ITPR2: variants seen among roughly 807,000 people sequenced by gnomAD.
ITPR2 encodes inositol 1,4,5-trisphosphate-gated calcium channel ITPR2.
A neutral mutation model predicts 317.1 loss-of-function variants in ITPR2; 207 were observed. The observed-to-expected ratio is 0.65, with a 90% confidence interval of 0.58 to 0.73. The LOEUF is 0.73. ITPR2 is among the 30% of genes least tolerant of loss of function. The pLI is 0.00. For missense variants in ITPR2, 2,613 were observed against 3,284.0 expected (o/e 0.80, Z 4.99); for synonymous variants, 1,156 against 1,149.1 (o/e 1.01, Z -0.12).
Position 26,655,168 on chromosome 12 carries a change from A to T in ITPR2, c.2589+540T>A, listed in dbSNP as rs1191055736. Among the ~76,000 whole-genome samples, 3 of 152,364 alleles carry T rather than the reference A, an allele frequency of 2.0e-5. No homozygotes were observed. The South Asian group carries it at 6.2e-4, about 32-fold the overall frequency. On this transcript the variant is annotated intron_variant, in intron 20 of 56. Transcript: ENST00000381340. Reference sequence around the variant, plus strand: ...CATAGAGATAAAAAAAAGTATCCAAACATTTTACAAAATATGCAAAACTGC... The same window carrying T: ...CATAGAGATAAAAAAAAGTATCCAATCATTTTACAAAATATGCAAAACTGC...
intron 52 of ITPR2, 95 bp from the exon 53 acceptor site, chr12:26,400,353 A>T (rs1255594581): frequency 3.1e-5 from 17 of 547,714 alleles, no homozygotes; most frequent in Non-Finnish European, 4.1e-5. Flanking sequence ...ATAAATATAC[A>T]TACATATACA....
intron 2 of ITPR2, among the ~76,000 whole-genome samples, chr12:26,757,377 G>T (rs1219653885): frequency 6.6e-6 from 1 of 151,970 alleles, no homozygotes; most frequent in East Asian, 1.9e-4. Flanking sequence ...CACCATGCCT[G>T]GCTAATTTTT....
intron 1 of ITPR2, among the ~76,000 whole-genome samples, chr12:26,813,469 T>C (rs1950791393): frequency 6.6e-6 from 1 of 152,240 alleles, no homozygotes; most frequent in Admixed American, 6.5e-5. Context: ...ATGAGATTCA[T>C]TTATCAAAGT....
intron 1 of ITPR2, among the ~76,000 whole-genome samples, chr12:26,821,612 T>C (rs980233824): frequency 6.6e-6 from 1 of 152,216 alleles, no homozygotes; most frequent in Non-Finnish European, 1.5e-5. Flanking sequence ...TGGTCAGAGA[T>C]GGTTTCTGTT....
chr12:26,422,120 T>G (rs1940916065), intron 49 of ITPR2, among the ~76,000 whole-genome samples: 1 of 150,514 alleles, frequency 6.6e-6, no homozygotes. Context: ...ACTAAATAAC[T>G]AAATTATTTA....
chr12:26,455,292 T>C (rs1291914935), intron 45 of ITPR2, among the ~76,000 whole-genome samples: 3 of 124,102 alleles, frequency 2.4e-5, no homozygotes, highest in Non-Finnish European at 4.7e-5. Context: ...TACATCAGAC[T>C]AAGAAATATG....
intron 50 of ITPR2, among the ~76,000 whole-genome samples, chr12:26,417,274 A>G (rs1940748673): frequency 6.6e-6 from 1 of 152,174 alleles, no homozygotes; most frequent in African/African-American, 2.4e-5. Context: ...ATATTGTAAG[A>G]TTTGAAAGAT....
intron 14 of ITPR2, 60 bp from the exon 15 acceptor site, chr12:26,663,906 T>C: frequency 1.4e-6 from 2 of 1,421,616 alleles, no homozygotes; most frequent in Non-Finnish European, 1.9e-6. Context: ...AACCTTTTTT[T>C]TTTAACAAAT....
chr12:26,559,239 C>T (rs1207570991), intron 35 of ITPR2, among the ~76,000 whole-genome samples: 1 of 152,214 alleles, frequency 6.6e-6, no homozygotes, highest in East Asian at 1.9e-4. Context: ...TGCTGAAAAT[C>T]TTCAATGAGT....
Position 26,357,993 on chromosome 12 carries a change from T to C in ITPR2, c.7858-17665A>G, listed in dbSNP as rs1938694726. 2.0e-5 allele frequency among the ~76,000 whole-genome samples: 3 copies of C among 152,216 alleles called. No individual in the cohort carries two copies. In the South Asian group the frequency reaches 6.2e-4, roughly 31 times the overall value. On this transcript the variant is annotated intron_variant, in intron 55 of 56. Transcript: ENST00000381340. The stretch of plus-strand genomic sequence containing the variant: ...TTGGTTGAACTATTACAAAGAGAGC[T>C]ACAGAAGCTAGAATACACCCAGAAA...
chr12:26,484,726 T>TC (rs1262738312), intron 41 of ITPR2, among the ~76,000 whole-genome samples: 5 of 152,146 alleles, frequency 3.3e-5, no homozygotes, highest in Non-Finnish European at 5.9e-5. Flanking sequence ...ATTTTTTTTT[T>TC]CTCGAGACAG....
At chr12:26,583,160 G>A (rs1031527727) in intron 32 of ITPR2, among the ~76,000 whole-genome samples, 3 of 152,092 alleles carry the variant, frequency 2.0e-5, no homozygotes, top group Non-Finnish European at 2.9e-5. Context: ...TACGAGAACT[G>A]ACTGCTATAC....
chr12:26,586,356 C>G (rs937762185), intron 32 of ITPR2, among the ~76,000 whole-genome samples: 1 of 152,102 alleles, frequency 6.6e-6, no homozygotes, highest in Non-Finnish European at 1.5e-5. Context: ...CAGGCTGGGT[C>G]TCAAGCTTCT....
chr12:26,687,673 C>T lies in ITPR2; in HGVS notation c.997-1041G>A, dbSNP rs1011821122. ...GGATCAAAAAGCCTTGCTTTTTGGC[C>T]TCTTCTGTAAATGGTGCACAAATGG... is the stretch of plus-strand genomic sequence containing the variant. On this transcript the variant is annotated intron_variant, in intron 10 of 56. Transcript: ENST00000381340. 4.6e-5 allele frequency among the ~76,000 whole-genome samples: 7 copies of T among 152,190 alleles called. No homozygotes were observed. In the East Asian group the frequency reaches 9.7e-4, roughly 21 times the overall value.
intron 15 of ITPR2, among the ~76,000 whole-genome samples, chr12:26,660,277 G>C (rs190072100): frequency 1.5e-3 from 222 of 152,338 alleles, no homozygotes; most frequent in Non-Finnish European, 2.6e-3. Context: ...CTAAAAGTAA[G>C]AGAAAGCCAC....
intron 11 of ITPR2, 76 bp from the exon 12 acceptor site, chr12:26,682,749 A>T: frequency 1.2e-6 from 1 of 817,552 alleles, no homozygotes; most frequent in South Asian, 1.6e-5. Flanking sequence ...TAACAGTTTC[A>T]TATATTATAT....
rs74684439 is a variant in ITPR2, at chr12:26,722,699, C to T, written c.367-144G>A. On this transcript the variant is annotated intron_variant, in intron 4 of 56. Transcript: ENST00000381340. Reference sequence around the variant, plus strand: ...CAAAGGAGTATTTTCAGCCTCCACACTCACCATCTTTCCTACTTGACTTTC... The same window carrying T: ...CAAAGGAGTATTTTCAGCCTCCACATTCACCATCTTTCCTACTTGACTTTC... 30 of 551,482 alleles carry T rather than the reference C, an allele frequency of 5.4e-5. No homozygotes were observed. In the East Asian group the frequency reaches 9.4e-4, roughly 17 times the overall value. 34.2% of individuals were successfully genotyped at this position (551,482 alleles called of 1,614,324 possible). A position where few individuals can be genotyped will look rare whatever the true frequency, so the allele number is the denominator to read the frequency against.
chr12:26,415,325 C>A lies in ITPR2; in HGVS notation c.7284G>T (p.Leu2428=). The part of the protein sequence containing the change: ...KDDFTMEVDR[L]KNRTPVTGSH... ...TACCTGTAACAGGAGTTCGGTTTTT[C>A]AGCCTATCAACTTCCATAGTGAAGT... The change falls in exon 51 of 57, where the codon CTG becomes CTT. Residue 2428 remains leucine (L), a synonymous_variant. Transcript: ENST00000381340. 2 of 1,600,982 alleles carry A rather than the reference C, an allele frequency of 1.2e-6. No homozygotes were observed. Among genetic ancestry groups the A allele is most frequent in the Non-Finnish European group, 1.7e-6 (2 of 1,174,520 alleles).
chr12:26,595,777 C>T (rs922271850), intron 31 of ITPR2, among the ~76,000 whole-genome samples, 187 bp from the exon 32 acceptor site: 5 of 152,278 alleles, frequency 3.3e-5, no homozygotes, highest in Non-Finnish European at 7.4e-5. Flanking sequence ...GGTGAAAACA[C>T]GGGGCCTAGT....
Sources: gnomAD v4.1 joint callset for allele counts (sites outside exome capture counted in the v4.1 genomes callset) on GRCh38, gnomAD v4.1.1 for gene constraint, MANE v1.5 for transcripts, NCBI Gene and HGNC (gene_info 2026-07-23, HGNC 2026-07-21) for gene names.